DNAJC15: variants seen among roughly 807,000 people sequenced by gnomAD.
DNAJC15 encodes dnaJ homolog subfamily C member 15.
DNAJC15 carries 27 observed loss-of-function variants against 22.4 expected under a neutral mutation model. The observed-to-expected ratio is 1.20, with a 90% CI of 0.89 to 1.66. The LOEUF (loss-of-function observed/expected upper bound fraction) is 1.66. Among genes scored for constraint, DNAJC15 ranks in the 40% most tolerant of loss-of-function variants. DNAJC15 has a pLI of 0.00. For missense variants in DNAJC15, 208 were observed against 187.1 expected (o/e 1.11, Z -0.65); for synonymous variants, 79 against 63.2 (o/e 1.25, Z -1.19).
At chr13:43,063,545 A>G (rs1017567560) in intron 1 of DNAJC15, among the ~76,000 whole-genome samples, 1 of 152,204 alleles carries the variant, frequency 6.6e-6, no homozygotes, top group Admixed American at 6.5e-5. Context: ...TATTGTTAGT[A>G]TTCTCTGGTT....
At chr13:43,086,890 A>C (rs1407261846) in intron 5 of DNAJC15, among the ~76,000 whole-genome samples, 1 of 152,170 alleles carries the variant, frequency 6.6e-6, no homozygotes, top group Non-Finnish European at 1.5e-5. Flanking sequence ...GGGCTTACTA[A>C]CATCCTTTAG....
Position 43,087,682 on chromosome 13 carries a change from C to T in DNAJC15, c.382+1844C>T, listed in dbSNP as rs574561138. Among the ~76,000 whole-genome samples, 3 of 152,278 alleles carry T rather than the reference C, an allele frequency of 2.0e-5. No individual in the cohort carries two copies. The South Asian group carries it at 6.2e-4, about 32-fold the overall frequency. On this transcript the variant is annotated intron_variant, in intron 5 of 5. Coordinates refer to ENST00000379221, the MANE Select transcript of DNAJC15 (RefSeq NM_013238.3). ...ATTCATGAATATGTTTCCCCACCCA[C>T]CCCCAAGGAACTTTTCTGTTGGTTT...
chr13:43,074,949 T>C (rs1164212627), intron 3 of DNAJC15, among the ~76,000 whole-genome samples: 1 of 152,178 alleles, frequency 6.6e-6, no homozygotes, highest in Non-Finnish European at 1.5e-5. Context: ...TCACCTATGC[T>C]GAGGCCAACT....
chr13:43,079,925 G>A (rs2040653871), intron 4 of DNAJC15, among the ~76,000 whole-genome samples: 1 of 152,126 alleles, frequency 6.6e-6, no homozygotes, highest in Non-Finnish European at 1.5e-5. Flanking sequence ...AAGTATATAT[G>A]CGTACAAATA....
chr13:43,036,606 G>T (rs987937202), intron 1 of DNAJC15, among the ~76,000 whole-genome samples: 1 of 152,240 alleles, frequency 6.6e-6, no homozygotes, highest in African/African-American at 2.4e-5. Flanking sequence ...GCTTGAAGGA[G>T]GGGTTCTGCC....
intron 1 of DNAJC15, among the ~76,000 whole-genome samples, chr13:43,032,357 C>T (rs778360381): frequency 1.1e-4 from 16 of 152,160 alleles, no homozygotes; most frequent in Non-Finnish European, 1.6e-4. Context: ...TTGAATTCCA[C>T]TGATAATAAG....
At chr13:43,072,694 G>A (rs999054887) in intron 3 of DNAJC15, among the ~76,000 whole-genome samples, 9 of 151,642 alleles carry the variant, frequency 5.9e-5, no homozygotes, top group Non-Finnish European at 1.3e-4. Context: ...TTCCTAAGTA[G>A]TTGGGATTGC....
In DNAJC15 at chr13:43,108,074, A is replaced by AG. The variant is rs2040806856; in HGVS notation, c.*828dup. On this transcript the variant is annotated 3_prime_UTR_variant, in exon 6 of 6. Coordinates refer to ENST00000379221, the MANE Select transcript of DNAJC15 (RefSeq NM_013238.3). ...ATGAACCAAAGGAACTTATATGTAGAGGAAGGATAAATCACAAATAGTGAA... is the reference window on the plus strand; with the variant it reads ...ATGAACCAAAGGAACTTATATGTAGAGGGAAGGATAAATCACAAATAGTGAA... 1 of 152,668 alleles carries AG rather than the reference A, an allele frequency of 6.6e-6. No homozygotes were observed. The highest frequency in any genetic ancestry group is 2.4e-5 in the African/African-American group (1 of 41,474). 9.5% of individuals were successfully genotyped at this position (152,668 alleles called of 1,614,324 possible).
chr13:43,038,966 T>G (rs182774628), intron 1 of DNAJC15, among the ~76,000 whole-genome samples: 1 of 152,228 alleles, frequency 6.6e-6, no homozygotes, highest in East Asian at 1.9e-4. Context: ...ACCTACCTAG[T>G]AATAAGTTGT....
chr13:43,062,612 T>A (rs2040564155), intron 1 of DNAJC15, among the ~76,000 whole-genome samples: 1 of 152,214 alleles, frequency 6.6e-6, no homozygotes, highest in African/African-American at 2.4e-5. Context: ...GAAATAAAAA[T>A]CTCTTTGAAA....
At chr13:43,062,841 CCT>C (rs932005845) in intron 1 of DNAJC15, among the ~76,000 whole-genome samples, 2 of 152,038 alleles carry the variant, frequency 1.3e-5, no homozygotes, top group African/African-American at 4.8e-5. Flanking sequence ...GCCTCAGCCC[CCT>C]GAGTAGCTGG....
At chr13:43,041,096 C>G (rs914481534) in intron 1 of DNAJC15, among the ~76,000 whole-genome samples, 6 of 152,060 alleles carry the variant, frequency 3.9e-5, no homozygotes, top group Non-Finnish European at 2.9e-5. Context: ...TTACAGGTGT[C>G]GGGCTGGGGG....
chr13:43,029,852 A>G (rs1355940527), intron 1 of DNAJC15, among the ~76,000 whole-genome samples: 1 of 152,226 alleles, frequency 6.6e-6, no homozygotes, highest in Non-Finnish European at 1.5e-5. Context: ...TCAGTTCCCA[A>G]CATAGTACCA....
At position 43,082,857 on chromosome 13, in the gene DNAJC15, T is replaced by TAC. The variant is rs1555276541; in HGVS notation, c.312-2910_312-2909insCA. On this transcript the variant is annotated intron_variant, in intron 4 of 5. Coordinates refer to ENST00000379221, the MANE Select transcript of DNAJC15 (RefSeq NM_013238.3). The stretch of plus-strand genomic sequence containing the variant: ...CAGAACATTCACCTATATATATATA[T>TAC]ATACACACATATATGTGCGTATGCG... Among the ~76,000 whole-genome samples, 14 of 149,572 alleles carry TAC rather than the reference T, an allele frequency of 9.4e-5. No homozygotes were observed. In the East Asian group the frequency reaches 2.2e-3, roughly 24 times the overall value.
intron 1 of DNAJC15, among the ~76,000 whole-genome samples, chr13:43,040,601 G>A (rs1407824201): frequency 6.6e-6 from 1 of 152,110 alleles, no homozygotes; most frequent in African/African-American, 2.4e-5. Flanking sequence ...TGGAACAAGA[G>A]ACTTGGAAAA....
chr13:43,050,462 A>G (rs966483590), intron 1 of DNAJC15, among the ~76,000 whole-genome samples: 15 of 151,384 alleles, frequency 9.9e-5, no homozygotes, highest in African/African-American at 3.4e-4. Context: ...CACCCAACTA[A>G]CTTTTCTTTA....
At position 43,078,610 on chromosome 13, in the gene DNAJC15, A is replaced by C; in HGVS notation, c.235-2A>C. The C allele has an allele frequency of 1.9e-6, 3 of 1,612,442 alleles. No individual in the cohort carries two copies. The highest frequency in any genetic ancestry group is 2.5e-6 in the Non-Finnish European group (3 of 1,178,836). On this transcript the variant is annotated splice_acceptor_variant, in intron 3 of 5. Transcript: ENST00000379221. LOFTEE classifies it high-confidence loss of function. ...ATTTCTTGCTCTTTCTTTCCTATAC[A>C]GAGCTTTTCATCCTACTATAAAGGA...
chr13:43,094,732 G>A (rs1157374347), intron 5 of DNAJC15, among the ~76,000 whole-genome samples: 1 of 152,092 alleles, frequency 6.6e-6, no homozygotes, highest in Non-Finnish European at 1.5e-5. Context: ...TTTCAGTTGA[G>A]TTCTAAATCT....
At chr13:43,050,019 A>G (rs542301286) in intron 1 of DNAJC15, among the ~76,000 whole-genome samples, 1 of 152,304 alleles carries the variant, frequency 6.6e-6, no homozygotes, top group African/African-American at 2.4e-5. Context: ...CCCAGGTTCA[A>G]GCAGTTCTCC....
Sources: allele counts gnomAD v4.1 joint callset (sites outside exome capture counted in the v4.1 genomes callset), GRCh38; gene constraint gnomAD v4.1.1; transcripts MANE v1.5; gene names NCBI Gene and HGNC (gene_info 2026-07-23, HGNC 2026-07-21).